The following MDGA2 variants were observed in gnomAD, a reference collection of about 807,000 sequenced individuals.
MDGA2 encodes MAM domain containing glycosylphosphatidylinositol anchor 2.
MDGA2 carries 40 observed loss-of-function variants against 117.8 expected under a neutral mutation model. That is an observed-to-expected ratio of 0.34 (90% CI 0.26 to 0.44). The LOEUF (loss-of-function observed/expected upper bound fraction) is 0.44. Ranked by LOEUF, MDGA2 falls within the 20% of genes least tolerant of loss-of-function variation. MDGA2 has a pLI of 1.00. For synonymous variants in MDGA2, 452 were observed against 439.0 expected (o/e 1.03, Z -0.37); for missense variants, 1,123 against 1,250.6 (o/e 0.90, Z 1.54).
intron 3 of MDGA2, among the ~76,000 whole-genome samples, chr14:47,173,992 G>C (rs1884312530): frequency 6.6e-6 from 1 of 152,182 alleles, no homozygotes; most frequent in South Asian, 2.1e-4. Flanking sequence ...GGCATGGGTT[G>C]CAATACTAGT....
chr14:47,075,266 C>G (rs992633252), intron 6 of MDGA2, among the ~76,000 whole-genome samples: 1 of 152,222 alleles, frequency 6.6e-6, no homozygotes, highest in African/African-American at 2.4e-5. Flanking sequence ...TTTGTATTCT[C>G]TGGACTCTCA....
intron 8 of MDGA2, among the ~76,000 whole-genome samples, chr14:47,021,820 T>C (rs1290934636): frequency 6.6e-6 from 1 of 152,130 alleles, no homozygotes; most frequent in African/African-American, 2.4e-5. Flanking sequence ...ACAATTAAAA[T>C]TGGCACTGCT....
At chr14:47,626,590 G>C (rs865824605) in intron 1 of MDGA2, 1 of 152,306 alleles carries the variant, frequency 6.6e-6, no homozygotes, top group Admixed American at 6.5e-5. Flanking sequence ...GGCTGCGCCC[G>C]GCGCTTGCGG....
At chr14:47,242,611 G>C (rs895944086) in intron 2 of MDGA2, among the ~76,000 whole-genome samples, 1 of 151,814 alleles carries the variant, frequency 6.6e-6, no homozygotes, top group Non-Finnish European at 1.5e-5. Flanking sequence ...AGGGTGTACT[G>C]AGTCCCCCAG....
chr14:47,620,653 G>A (rs1286781065), intron 1 of MDGA2, among the ~76,000 whole-genome samples: 1 of 152,106 alleles, frequency 6.6e-6, no homozygotes, highest in African/African-American at 2.4e-5. Flanking sequence ...GCCCTTCAGA[G>A]TATCAACAAT....
intron 3 of MDGA2, among the ~76,000 whole-genome samples, chr14:47,186,119 T>A: frequency 6.6e-6 from 1 of 151,410 alleles, no homozygotes; most frequent in East Asian, 1.9e-4. Flanking sequence ...CAAAATAAAT[T>A]CAAAACTATT....
rs141891802 is a variant in MDGA2, at chr14:47,217,772, T to G, written c.595+249A>C. Among the ~76,000 whole-genome samples, 1,327 of 152,234 alleles carry G rather than the reference T, an allele frequency of 8.7e-3. 20 individuals carry two copies. Among genetic ancestry groups the G allele is most frequent in the African/African-American group, 0.03 (1,266 of 41,548 alleles). On this transcript the variant is annotated intron_variant, in intron 3 of 16. Coordinates refer to ENST00000399232, the MANE Select transcript of MDGA2 (RefSeq NM_001113498.3). ...CCCTAGTTATTAGTGGGATTACCAA[T>G]GGTTACTGTCTTCTTGTTAATATTG...
intron 8 of MDGA2, among the ~76,000 whole-genome samples, chr14:47,008,505 A>G (rs1456224779): frequency 1.3e-5 from 2 of 151,916 alleles, no homozygotes; most frequent in Non-Finnish European, 2.9e-5. Flanking sequence ...GTTAAGAAGC[A>G]TGATATATTT....
intron 2 of MDGA2, among the ~76,000 whole-genome samples, chr14:47,291,643 T>C (rs2139775716): frequency 6.6e-6 from 1 of 152,338 alleles, no homozygotes; most frequent in Non-Finnish European, 1.5e-5. Context: ...CTGTAGATTA[T>C]CAGCATTACG....
At chr14:47,101,130 T>TAGAA (rs1380620763) in intron 5 of MDGA2, among the ~76,000 whole-genome samples, 2 of 122,770 alleles carry the variant, frequency 1.6e-5, no homozygotes, top group Non-Finnish European at 3.7e-5. Context: ...GATAGACAGA[T>TAGAA]AGATAGAAAG....
intron 2 of MDGA2, among the ~76,000 whole-genome samples, chr14:47,276,540 A>C (rs1236346081): frequency 1.3e-5 from 2 of 152,146 alleles, no homozygotes; most frequent in Non-Finnish European, 2.9e-5. Context: ...ATTTTTATTT[A>C]TTCTAAGTAA....
intron 8 of MDGA2, among the ~76,000 whole-genome samples, chr14:46,967,337 C>G (rs1233065772): frequency 6.6e-6 from 1 of 152,156 alleles, no homozygotes; most frequent in Non-Finnish European, 1.5e-5. Context: ...AAGTCAAAAG[C>G]ATGCCCAACC....
chr14:47,158,707 G>A (rs1243442857), intron 3 of MDGA2, among the ~76,000 whole-genome samples: 3 of 152,044 alleles, frequency 2.0e-5, no homozygotes, highest in African/African-American at 4.8e-5. Flanking sequence ...AGCGTGCCTC[G>A]GCCTCCCAAA....
At chr14:47,652,780 A>G (rs118060829) in intron 1 of MDGA2, among the ~76,000 whole-genome samples, 3,428 of 152,272 alleles carry the variant, frequency 0.023, 67 homozygotes, top group Non-Finnish European at 0.037. Context: ...GGCACACACA[A>G]ATATTTATCC....
chr14:47,239,962 C>A (rs1886985341), intron 2 of MDGA2, among the ~76,000 whole-genome samples: 1 of 151,662 alleles, frequency 6.6e-6, no homozygotes, highest in South Asian at 2.1e-4. Context: ...AGTGTTATAA[C>A]CTTGTCACTC....
intron 4 of MDGA2, among the ~76,000 whole-genome samples, chr14:47,138,487 C>T (rs917620149): frequency 2.6e-5 from 4 of 151,992 alleles, no homozygotes; most frequent in Admixed American, 2.0e-4. Flanking sequence ...AAGATTTAAG[C>T]AATTGTTTAA....
chr14:47,243,471 T>C (rs1251253611), intron 2 of MDGA2, among the ~76,000 whole-genome samples: 3 of 151,616 alleles, frequency 2.0e-5, no homozygotes, highest in East Asian at 3.9e-4. Context: ...TACTGCTCAC[T>C]CTTTGGGTCC....
At chr14:47,595,059 G>A (rs1287112366) in intron 1 of MDGA2, among the ~76,000 whole-genome samples, 3 of 151,968 alleles carry the variant, frequency 2.0e-5, no homozygotes, top group East Asian at 1.9e-4. Flanking sequence ...ATCCCAGACT[G>A]ATATACACGT....
chr14:47,045,465 C>T (rs1033175553), intron 7 of MDGA2, among the ~76,000 whole-genome samples: 1 of 151,970 alleles, frequency 6.6e-6, no homozygotes, highest in African/African-American at 2.4e-5. Context: ...TACTAAAATA[C>T]ATAAATAAAT....
Sources: allele counts gnomAD v4.1 joint callset (sites outside exome capture counted in the v4.1 genomes callset), GRCh38; gene constraint gnomAD v4.1.1; transcripts MANE v1.5; gene names NCBI Gene and HGNC (gene_info 2026-07-23, HGNC 2026-07-21).